PDZRN4: variants seen among roughly 807,000 people sequenced by gnomAD.
PDZRN4 encodes the protein PDZ domain-containing RING finger protein 4.
In PDZRN4, 70 loss-of-function variants were observed where a neutral mutation model predicts 99.0. That is an observed-to-expected ratio of 0.71 (90% CI 0.58 to 0.86). PDZRN4 has a LOEUF of 0.86. Among genes scored for constraint, PDZRN4 ranks in the 40% least tolerant of loss-of-function variants. The probability of loss-of-function intolerance (pLI) is 0.00; values close to 1 mark genes in which losing one functional copy is unlikely to be tolerated. For synonymous variants in PDZRN4, 551 were observed against 501.6 expected (o/e 1.10, Z -1.32); for missense variants, 1,474 against 1,331.2 (o/e 1.11, Z -1.67).
chr12:41,350,665 T>A (rs2121037919), intron 3 of PDZRN4, among the ~76,000 whole-genome samples: 1 of 152,246 alleles, frequency 6.6e-6, no homozygotes, highest in African/African-American at 2.4e-5. Flanking sequence ...ATATAATGCA[T>A]AGTTTCTTGC....
chr12:41,343,617 T>C (rs1951832566), intron 3 of PDZRN4, among the ~76,000 whole-genome samples: 1 of 125,548 alleles, frequency 8.0e-6, no homozygotes, highest in South Asian at 2.6e-4. Context: ...GAGAGTTGTA[T>C]ACGGTACAAT....
At chr12:41,238,264 C>T (rs569338575) in intron 3 of PDZRN4, among the ~76,000 whole-genome samples, 1 of 152,038 alleles carries the variant, frequency 6.6e-6, no homozygotes, top group Non-Finnish European at 1.5e-5. Context: ...TGATTTGGCT[C>T]TCTCTGCTTG....
intron 3 of PDZRN4, among the ~76,000 whole-genome samples, chr12:41,243,849 T>G (rs1408466661): frequency 2.0e-5 from 3 of 152,164 alleles, no homozygotes; most frequent in Admixed American, 1.3e-4. Context: ...ATAACTAATG[T>G]TCCTATTTCA....
In PDZRN4 at chr12:41,188,391, G is replaced by A. The variant is rs1468157577; in HGVS notation, c.-65G>A. The A allele has an allele frequency of 2.8e-6, 4 of 1,412,660 alleles. No individual in the cohort carries two copies. Among genetic ancestry groups the A allele is most frequent in the Non-Finnish European group, 3.7e-6 (4 of 1,077,672 alleles). 87.5% of individuals were successfully genotyped at this position (1,412,660 alleles called of 1,614,324 possible). A position where few individuals can be genotyped will look rare whatever the true frequency, so the allele number is the denominator to read the frequency against. On this transcript the variant is annotated 5_prime_UTR_variant, in exon 1 of 10. Transcript: ENST00000402685. ...ACGGCTGCCCCGGGGGTGGCCCGGG[G>A]AAGGCAGGGGGGCTCGGAGAAGACG...
chr12:41,301,304 A>G (rs1951534043), intron 3 of PDZRN4, among the ~76,000 whole-genome samples: 1 of 151,994 alleles, frequency 6.6e-6, no homozygotes, highest in Non-Finnish European at 1.5e-5. Flanking sequence ...CATTTAATAC[A>G]TTTAGCTTTT....
At chr12:41,478,022 G>A in intron 3 of PDZRN4, 1 of 733,130 alleles carries the variant, frequency 1.4e-6, no homozygotes, top group East Asian at 2.7e-5. Flanking sequence ...TGGCTGCTTT[G>A]GTCTTTGTGA....
chr12:41,508,424 C>T (rs938368046), intron 4 of PDZRN4, among the ~76,000 whole-genome samples: 1 of 152,152 alleles, frequency 6.6e-6, no homozygotes, highest in Admixed American at 6.5e-5. Context: ...TTGCTGCTTT[C>T]CCCAATTAAT....
chr12:41,567,723 C>G, intron 8 of PDZRN4, 60 bp from the exon 9 acceptor site: 1 of 1,008,348 alleles, frequency 9.9e-7, no homozygotes, highest in East Asian at 2.9e-5. Flanking sequence ...TTTAAGTTTA[C>G]TCTATTTTAA....
rs760921931 is a variant in PDZRN4 at position 41,572,618 on chromosome 12, C to T, written c.1839C>T (p.Asp613=). 1 of 1,614,166 alleles carries T rather than the reference C, an allele frequency of 6.2e-7. No individual in the cohort carries two copies. The highest frequency in any genetic ancestry group is 1.1e-5 in the South Asian group (1 of 91,086). The change falls in exon 10 of 10, where the codon GAC becomes GAT. Residue 613 remains aspartate, a synonymous_variant. Coordinates refer to ENST00000402685, the MANE Select transcript of PDZRN4 (RefSeq NM_001164595.2). ...NESLVSGEYI[D]SDCIGNPDED... is the part of the protein sequence containing the mutation. ...GCCTCGTATCTGGTGAATACATTGA[C>T]TCAGACTGCATTGGCAACCCAGATG... is the stretch of plus-strand genomic sequence containing the variant.
intron 3 of PDZRN4, among the ~76,000 whole-genome samples, chr12:41,227,912 CACA>C (rs1951005356): frequency 1.3e-5 from 2 of 148,306 alleles, no homozygotes; most frequent in Non-Finnish European, 3.0e-5. Flanking sequence ...CACACACACA[CACA>C]CACACCAGAA....
At chr12:41,376,436 TG>T (rs1271978124) in intron 3 of PDZRN4, among the ~76,000 whole-genome samples, 1 of 152,044 alleles carries the variant, frequency 6.6e-6, no homozygotes, top group Non-Finnish European at 1.5e-5. Context: ...AGGTGTGGGG[TG>T]AGAGTTCATT....
chr12:41,568,056 AG>A (rs1199142077), intron 9 of PDZRN4, among the ~76,000 whole-genome samples, 157 bp downstream of exon 9: 3 of 152,198 alleles, frequency 2.0e-5, no homozygotes, highest in Admixed American at 2.0e-4. Flanking sequence ...AATGAAGCAG[AG>A]GGAATAAATA....
At chr12:41,476,476 A>G (rs1417432720) in intron 3 of PDZRN4, among the ~76,000 whole-genome samples, 6 of 152,162 alleles carry the variant, frequency 3.9e-5, no homozygotes, top group African/African-American at 1.4e-4. Flanking sequence ...CAAAACTGAA[A>G]CAGATGACCT....
intron 3 of PDZRN4, among the ~76,000 whole-genome samples, chr12:41,474,591 G>T (rs1953022876): frequency 6.6e-6 from 1 of 152,230 alleles, no homozygotes; most frequent in African/African-American, 2.4e-5. Flanking sequence ...TCTTCTAATA[G>T]CTGTGAAACT....
chr12:41,465,946 T>C (rs1470976566), intron 3 of PDZRN4, among the ~76,000 whole-genome samples: 2 of 152,228 alleles, frequency 1.3e-5, no homozygotes, highest in African/African-American at 2.4e-5. Context: ...ATCAGTGTAT[T>C]GTTTGCTTCC....
chr12:41,199,817 A>T (rs1467411882), intron 3 of PDZRN4, among the ~76,000 whole-genome samples: 1 of 152,194 alleles, frequency 6.6e-6, no homozygotes, highest in East Asian at 1.9e-4. Flanking sequence ...AACAATGTGC[A>T]CACATGGACA....
chr12:41,391,569 T>C (rs1952211694), intron 3 of PDZRN4, among the ~76,000 whole-genome samples: 1 of 152,186 alleles, frequency 6.6e-6, no homozygotes, highest in Admixed American at 6.6e-5. Context: ...AAGGAACAGA[T>C]TAAATAATCT....
chr12:41,377,820 T>C (rs1952093304), intron 3 of PDZRN4, among the ~76,000 whole-genome samples: 1 of 152,256 alleles, frequency 6.6e-6, no homozygotes, highest in Non-Finnish European at 1.5e-5. Flanking sequence ...ATTACTTTTC[T>C]ATGTTGTTTT....
chr12:41,555,413 A>C (rs1019913899), intron 6 of PDZRN4, among the ~76,000 whole-genome samples: 4 of 151,830 alleles, frequency 2.6e-5, no homozygotes, highest in Admixed American at 1.3e-4. Context: ...AAAAAAAAAA[A>C]GAATGAAGGG....
Sources: gnomAD v4.1 joint callset for allele counts (sites outside exome capture counted in the v4.1 genomes callset) on GRCh38, gnomAD v4.1.1 for gene constraint, MANE v1.5 for transcripts, NCBI Gene and HGNC (gene_info 2026-07-23, HGNC 2026-07-21) for gene names.